Variants in CDKAL1 observed in about 807,000 individuals in gnomAD.
CDKAL1 encodes CDKAL1 threonylcarbamoyladenosine tRNA methylthiotransferase, also known as threonylcarbamoyladenosine tRNA methylthiotransferase.
CDKAL1 carries 32 observed loss-of-function variants against 68.2 expected under a neutral mutation model. The ratio of observed to expected loss-of-function variants is 0.47; its 90% CI spans 0.35 to 0.63. CDKAL1 has a LOEUF of 0.63. Among genes scored for constraint, CDKAL1 ranks in the 30% least tolerant of loss-of-function variants. The pLI is 0.00. For synonymous variants in CDKAL1, 234 were observed against 244.3 expected, an observed-to-expected ratio of 0.96 and a Z score of 0.39; for missense variants, 606 against 696.7, an observed-to-expected ratio of 0.87 and a Z score of 1.47.
At chr6:20,874,489 T>TTTTA (rs1282761064) in intron 9 of CDKAL1, among the ~76,000 whole-genome samples, 1 of 151,764 alleles carries the variant, frequency 6.6e-6, no homozygotes, top group Non-Finnish European at 1.5e-5. Context: ...TGTATTTTTA[T>TTTTA]TTTATTTATT....
chr6:20,947,274 GTAAGTTGAAAATA>G (rs1764285272), intron 9 of CDKAL1, among the ~76,000 whole-genome samples: 4 of 152,154 alleles, frequency 2.6e-5, no homozygotes, highest in Admixed American at 2.6e-4. Context: ...TAAACCCATT[GTAAGTTGAAAATA>G]TAAGTTGAAA....
intron 13 of CDKAL1, among the ~76,000 whole-genome samples, chr6:21,167,269 G>A (rs930331135): frequency 6.6e-6 from 1 of 152,120 alleles, no homozygotes; most frequent in Non-Finnish European, 1.5e-5. Flanking sequence ...GTTTAGAGTT[G>A]CTTTTCTAAA....
intron 9 of CDKAL1, among the ~76,000 whole-genome samples, chr6:20,877,677 C>T (rs1031545859): frequency 1.3e-5 from 2 of 152,234 alleles, no homozygotes; most frequent in Non-Finnish European, 2.9e-5. Flanking sequence ...CTTACTCATG[C>T]ACACATGACT....
chr6:20,687,993 A>G (rs1305030168), intron 5 of CDKAL1, among the ~76,000 whole-genome samples: 22 of 152,048 alleles, frequency 1.4e-4, no homozygotes, highest in Admixed American at 1.4e-3. Flanking sequence ...TGCGGGTTAC[A>G]GAATTCTATG....
chr6:20,853,807 T>G (rs1759173859), intron 9 of CDKAL1, among the ~76,000 whole-genome samples: 1 of 152,144 alleles, frequency 6.6e-6, no homozygotes, highest in South Asian at 2.1e-4. Flanking sequence ...GTTGAAGCTG[T>G]AAAATGAGCT....
chr6:20,551,369 T>C (rs1479023759), intron 4 of CDKAL1, among the ~76,000 whole-genome samples: 1 of 145,784 alleles, frequency 6.9e-6, no homozygotes, highest in African/African-American at 2.6e-5. Flanking sequence ...AACTAAAATA[T>C]CTTTTTTTTT....
At chr6:21,128,896 C>G (rs373815972) in intron 13 of CDKAL1, among the ~76,000 whole-genome samples, 1 of 152,200 alleles carries the variant, frequency 6.6e-6, no homozygotes. Context: ...ATAAAACTTA[C>G]AAGACCCAGT....
chr6:20,719,218 A>G (rs1030515874), intron 5 of CDKAL1, among the ~76,000 whole-genome samples: 1 of 152,200 alleles, frequency 6.6e-6, no homozygotes, highest in Non-Finnish European at 1.5e-5. Context: ...TTCTGTGTAC[A>G]CTTTGTGCAT....
chr6:20,919,101 A>G (rs946884461), intron 9 of CDKAL1, among the ~76,000 whole-genome samples: 32 of 152,200 alleles, frequency 2.1e-4, no homozygotes, highest in African/African-American at 7.7e-4. Context: ...ACAGAAACAG[A>G]GTATTAAAGG....
At chr6:21,053,240 G>A (rs901459340) in intron 11 of CDKAL1, among the ~76,000 whole-genome samples, 3 of 152,122 alleles carry the variant, frequency 2.0e-5, no homozygotes, top group Admixed American at 6.5e-5. Context: ...GCAATCCTTC[G>A]TGTCTTTCAT....
Position 20,807,703 on chromosome 6 carries a change from G to A in CDKAL1, c.638+26438G>A, listed in dbSNP as rs550350669. ...AAACATATTACTGTAAAGTCATTTT[G>A]ATAGCAACGAATATTCATGTCATAT... On this transcript the variant is annotated intron_variant, in intron 8 of 15. Transcript: ENST00000274695. 2.6e-5 allele frequency among the ~76,000 whole-genome samples: 4 copies of A among 152,260 alleles called. No individual in the cohort carries two copies. In the East Asian group the frequency reaches 7.7e-4, roughly 29 times the overall value.
chr6:20,830,138 G>A (rs1033645781), intron 8 of CDKAL1, among the ~76,000 whole-genome samples: 8 of 152,122 alleles, frequency 5.3e-5, no homozygotes, highest in African/African-American at 1.9e-4. Flanking sequence ...TTACAGGTGT[G>A]AGCCACCATG....
chr6:21,166,060 A>G (rs56811697), intron 13 of CDKAL1, among the ~76,000 whole-genome samples: 12,274 of 152,226 alleles, frequency 0.081, 678 homozygotes, highest in East Asian at 0.26. Flanking sequence ...TACCTCATAG[A>G]GTTGCTGTGA....
At chr6:21,044,442 A>G (rs780558686) in intron 11 of CDKAL1, among the ~76,000 whole-genome samples, 2 of 152,212 alleles carry the variant, frequency 1.3e-5, no homozygotes, top group African/African-American at 2.4e-5. Flanking sequence ...GGCTGATAGC[A>G]TCACACACAT....
chr6:20,544,131 C>G (rs1044674493), intron 2 of CDKAL1, among the ~76,000 whole-genome samples: 1 of 152,144 alleles, frequency 6.6e-6, no homozygotes, highest in Non-Finnish European at 1.5e-5. Context: ...CTATAAATGT[C>G]TGCTTGCTCC....
rs374520391 is a variant in CDKAL1 at position 20,947,861 on chromosome 6, G to A, written c.743-7558G>A. 5.9e-5 allele frequency among the ~76,000 whole-genome samples: 9 copies of A among 151,992 alleles called. No individual in the cohort carries two copies. The South Asian group carries it at 6.2e-4, about 11-fold the overall frequency. On this transcript the variant is annotated intron_variant, in intron 9 of 15. Transcript: ENST00000274695. ...GTATGGTTTCTACTGAATGCGTATC[G>A]CTTTCACACCGTCATAAAGTTGAAA... is the stretch of plus-strand genomic sequence containing the variant.
intron 13 of CDKAL1, among the ~76,000 whole-genome samples, chr6:21,159,381 G>A (rs560439417): frequency 6.6e-6 from 1 of 152,074 alleles, no homozygotes; most frequent in Non-Finnish European, 1.5e-5. Flanking sequence ...CTTCTGACTG[G>A]TCCCTCCATA....
intron 4 of CDKAL1, among the ~76,000 whole-genome samples, chr6:20,556,559 A>G (rs927784692): frequency 6.6e-6 from 1 of 152,198 alleles, no homozygotes; most frequent in African/African-American, 2.4e-5. Flanking sequence ...GTTAACTTAT[A>G]CTTTCTACAC....
chr6:21,068,229 CA>C (rs1771566695), intron 12 of CDKAL1, among the ~76,000 whole-genome samples: 2 of 47,756 alleles, frequency 4.2e-5, no homozygotes, highest in African/African-American at 2.8e-4. Flanking sequence ...TAGAATTTAT[CA>C]ATTTTTTTTT....
Sources: allele counts gnomAD v4.1 joint callset (sites outside exome capture counted in the v4.1 genomes callset), GRCh38; gene constraint gnomAD v4.1.1; transcripts MANE v1.5; gene names NCBI Gene and HGNC (gene_info 2026-07-23, HGNC 2026-07-21).